The following CYLC2 variants were observed in gnomAD, a reference collection of about 807,000 sequenced individuals.
CYLC2 encodes cylicin 2.
A neutral mutation model predicts 26.1 loss-of-function variants in CYLC2; 30 were observed. The observed-to-expected ratio is 1.15, with a 90% CI of 0.86 to 1.56. The LOEUF (loss-of-function observed/expected upper bound fraction) is 1.56. Among genes scored for constraint, CYLC2 ranks in the 40% most tolerant of loss-of-function variants. The pLI, the probability that CYLC2 is intolerant of heterozygous loss-of-function variation, is 0.00. For synonymous variants in CYLC2, 158 were observed against 132.8 expected, an observed-to-expected ratio of 1.19 and a Z score of -1.31; for missense variants, 498 against 394.4, an observed-to-expected ratio of 1.26 and a Z score of -2.23.
rs1564101447 is a variant in CYLC2, at chr9:103,014,875, AC to A, written c.*817-2012del. Among the ~76,000 whole-genome samples, 55 of 132,978 alleles carry A rather than the reference AC, an allele frequency of 4.1e-4. 1 individual carries two copies. Among genetic ancestry groups the A allele is most frequent in the African/African-American group, 1.5e-3 (51 of 34,470 alleles). The allele number at this position is 132,978 out of a possible 152,430, so 87.2% of individuals were successfully genotyped here. ...GCAATATACATAATATATGTAATAT[AC>A]TATGTATATTATGTAATATACATAA... On this transcript the variant is annotated intron_variant, in intron 6 of 7. Transcript: ENST00000374798.
chr9:103,015,560 T>C (rs1829495652), intron 6 of CYLC2, among the ~76,000 whole-genome samples: 1 of 143,708 alleles, frequency 7.0e-6, no homozygotes, highest in African/African-American at 2.5e-5. Flanking sequence ...AAAATATATG[T>C]ATATATACAT....
In CYLC2 at chr9:103,018,386, T is replaced by C. The variant is rs1226261467; in HGVS notation, c.*952T>C. 6.6e-6 allele frequency: 1 copy of C among 151,988 alleles called. No homozygotes were observed. The highest frequency in any genetic ancestry group is 2.4e-5 in the African/African-American group (1 of 41,414). 9.4% of individuals were successfully genotyped at this position (151,988 alleles called of 1,614,324 possible). A position where few individuals can be genotyped will look rare whatever the true frequency, so the allele number is the denominator to read the frequency against. On this transcript the variant is annotated 3_prime_UTR_variant, in exon 8 of 8. Transcript: ENST00000374798. ...TGGAAAAGTGAAACATCTCATTCAG[T>C]TGGTGATCTTCCTGTCATGAAAGTT...
Position 103,005,875 on chromosome 9 carries a change from AT to A in CYLC2, c.*199del. On this transcript the variant is annotated 3_prime_UTR_variant, in exon 5 of 8. Transcript: ENST00000374798. ...ATATATAAGAAAGATGTTAAGAAAA[AT>A]TAAGGGGGGATCCATTGAAAGACTT... The A allele has an allele frequency of 1.7e-6, 1 of 571,752 alleles. No individual in the cohort carries two copies. 35.4% of individuals were successfully genotyped at this position (571,752 alleles called of 1,614,324 possible).
intron 1 of CYLC2, among the ~76,000 whole-genome samples, chr9:102,999,474 C>T (rs1829267507): frequency 1.3e-5 from 2 of 151,764 alleles, no homozygotes; most frequent in South Asian, 2.1e-4. Context: ...GCTTTTATTG[C>T]TTTATGAAAC....
At chr9:103,000,539 T>G (rs983495446) in intron 1 of CYLC2, among the ~76,000 whole-genome samples, 19 of 152,128 alleles carry the variant, frequency 1.2e-4, no homozygotes, top group African/African-American at 3.1e-4. Context: ...TTTTGGTGCA[T>G]GTACTCAGTT....
chr9:103,017,964 C>A (rs1350081626), intron 7 of CYLC2, among the ~76,000 whole-genome samples: 1 of 151,962 alleles, frequency 6.6e-6, no homozygotes, highest in Non-Finnish European at 1.5e-5. Flanking sequence ...CCTCATTTAA[C>A]CTTTATTACT....
rs989317480 is a variant in CYLC2, at chr9:103,001,559, T to A, written c.18-19T>A. The A allele has an allele frequency of 2.0e-6, 3 of 1,477,304 alleles. No individual in the cohort carries two copies. Among genetic ancestry groups the A allele is most frequent in the Non-Finnish European group, 2.8e-6 (3 of 1,066,192 alleles). The allele number at this position is 1,477,304 out of a possible 1,614,324, so 91.5% of individuals were successfully genotyped here. A position where few individuals can be genotyped will look rare whatever the true frequency, so the allele number is the denominator to read the frequency against. Reference sequence around the variant, plus strand: ...TTTTTATATAAATTAACTAAAACCTTTCTTTTTTGTTTTAATAGCCAAAGA... The same window carrying A: ...TTTTTATATAAATTAACTAAAACCTATCTTTTTTGTTTTAATAGCCAAAGA... On this transcript the variant is annotated intron_variant, in intron 1 of 7. Transcript: ENST00000374798.
intron 5 of CYLC2, among the ~76,000 whole-genome samples, chr9:103,009,778 T>A (rs1829386880): frequency 6.6e-6 from 1 of 152,084 alleles, no homozygotes; most frequent in Non-Finnish European, 1.5e-5. Flanking sequence ...TTTGTTTTAA[T>A]TTTTAGATAC....
intron 1 of CYLC2, among the ~76,000 whole-genome samples, chr9:102,996,901 T>G (rs1469650666): frequency 6.6e-6 from 1 of 152,002 alleles, no homozygotes; most frequent in Non-Finnish European, 1.5e-5. Flanking sequence ...GTTAGTCAAC[T>G]CAGCCCATTT....
chr9:103,005,213 G>T lies in CYLC2; in HGVS notation c.582G>T (p.Lys194Asn), dbSNP rs771714115. ...AGAAAGATAACAAAAAAGATAAAAA[G>T]GATTCAAACAAAGGCAAAGACTCGG... ...GAKKDNKKDK[K>N]DSNKGKDSAT... Residue 194 changes from lysine to asparagine, a missense_variant, in exon 5 of 8, where the codon AAG becomes AAT. Transcript: ENST00000374798. 1.2e-6 allele frequency: 2 copies of T among 1,609,214 alleles called. No homozygotes were observed. Among genetic ancestry groups the T allele is most frequent in the Admixed American group, 1.7e-5 (1 of 58,594 alleles).
At chr9:103,015,122 TCA>T (rs1829483649) in intron 6 of CYLC2, among the ~76,000 whole-genome samples, 5 of 47,188 alleles carry the variant, frequency 1.1e-4, no homozygotes, top group African/African-American at 4.3e-4. Flanking sequence ...AACATGTATA[TCA>T]CGTGATATAC....
intron 6 of CYLC2, among the ~76,000 whole-genome samples, chr9:103,015,516 C>T (rs1829494385): frequency 7.3e-6 from 1 of 137,536 alleles, no homozygotes; most frequent in Non-Finnish European, 1.5e-5. Context: ...ATATATAATA[C>T]ATGTTTATAT....
chr9:103,012,337 T>C (rs564890040), intron 6 of CYLC2, among the ~76,000 whole-genome samples: 1 of 152,078 alleles, frequency 6.6e-6, no homozygotes, highest in South Asian at 2.1e-4. Context: ...TTTTATATCA[T>C]GTTCCTTCAG....
rs1382705193 is a variant in CYLC2, at chr9:103,006,071, C to CACACACACACAG, written c.*394_*395insCACACACACAGA. 7.1e-6 allele frequency: 1 copy of CACACACACACAG among 140,792 alleles called. No individual in the cohort carries two copies. The highest frequency in any genetic ancestry group is 1.8e-4 in the East Asian group (1 of 5,444). The allele number at this position is 140,792 out of a possible 1,614,324, so 8.7% of individuals were successfully genotyped here. A position where few individuals can be genotyped will look rare whatever the true frequency, so the allele number is the denominator to read the frequency against. On this transcript the variant is annotated 3_prime_UTR_variant, in exon 5 of 8. Coordinates refer to ENST00000374798, the MANE Select transcript of CYLC2 (RefSeq NM_001340.5). The stretch of plus-strand genomic sequence containing the variant: ...ACACACACACACACACACACACACA[C>CACACACACACAG]AGTTTAATGAAGGCTTAAAGAATCC...
intron 7 of CYLC2, among the ~76,000 whole-genome samples, chr9:103,017,812 GT>G (rs1281388839): frequency 6.6e-6 from 1 of 151,888 alleles, no homozygotes; most frequent in Non-Finnish European, 1.5e-5. Flanking sequence ...TATTGGCAGC[GT>G]TGATTTCTTC....
At chr9:102,995,580 G>A (rs1045606119) in intron 1 of CYLC2, among the ~76,000 whole-genome samples, 183 bp downstream of exon 1, 1 of 151,858 alleles carries the variant, frequency 6.6e-6, no homozygotes, top group Non-Finnish European at 1.5e-5. Flanking sequence ...GACATAGCTA[G>A]TGCATGCATT....
chr9:102,999,269 A>C (rs1829265602), intron 1 of CYLC2, among the ~76,000 whole-genome samples: 1 of 151,890 alleles, frequency 6.6e-6, no homozygotes, highest in African/African-American at 2.4e-5. Context: ...GGTATATAGA[A>C]ATATACTTCA....
At chr9:103,014,187 A>AATATGAATATTATATATCTC (rs1829459038) in intron 6 of CYLC2, among the ~76,000 whole-genome samples, 1 of 122,948 alleles carries the variant, frequency 8.1e-6, no homozygotes, top group Non-Finnish European at 1.6e-5. Context: ...TCTCATATAT[A>AATATGAATATTATATATCTC]ATATATAATA....
intron 3 of CYLC2, 104 bp from the exon 4 acceptor site, chr9:103,004,590 GC>G: frequency 3.6e-6 from 3 of 834,924 alleles, no homozygotes; most frequent in Non-Finnish European, 5.2e-6. Context: ...TTTAACAAAA[GC>G]TAAAATCTTT....
Sources: gnomAD v4.1 joint callset for allele counts (sites outside exome capture counted in the v4.1 genomes callset) on GRCh38, gnomAD v4.1.1 for gene constraint, MANE v1.5 for transcripts, NCBI Gene and HGNC (gene_info 2026-07-23, HGNC 2026-07-21) for gene names.